GRHL2: variants seen among roughly 807,000 people sequenced by gnomAD.
GRHL2 encodes grainyhead-like protein 2 homolog.
A neutral mutation model predicts 83.8 loss-of-function variants in GRHL2; 21 were observed. That is an observed-to-expected ratio of 0.25 (90% CI 0.18 to 0.36). The LOEUF (loss-of-function observed/expected upper bound fraction) is 0.36, where lower values mean the gene tolerates loss of function less well. Among genes scored for constraint, GRHL2 ranks in the 10% least tolerant of loss-of-function variants. The pLI is 1.00. For synonymous variants in GRHL2, 280 were observed against 278.9 expected (o/e 1.00, Z -0.04); for missense variants, 623 against 781.8 (o/e 0.80, Z 2.42).
At chr8:101,551,910 A>T (rs896322771) in intron 2 of GRHL2, among the ~76,000 whole-genome samples, 1 of 149,700 alleles carries the variant, frequency 6.7e-6, no homozygotes, top group Non-Finnish European at 1.5e-5. Context: ...ATCTCGGCTC[A>T]CTGCAAGCTC....
intron 7 of GRHL2, among the ~76,000 whole-genome samples, chr8:101,585,971 G>C (rs1370706239): frequency 6.6e-6 from 1 of 151,884 alleles, no homozygotes; most frequent in African/African-American, 2.4e-5. Context: ...TCCAGGGAAG[G>C]GTCAGGATTC....
At chr8:101,557,691 C>T (rs1811516310) in intron 3 of GRHL2, among the ~76,000 whole-genome samples, 1 of 152,116 alleles carries the variant, frequency 6.6e-6, no homozygotes, top group South Asian at 2.1e-4. Flanking sequence ...AGAACTTCTT[C>T]CACCCTTCCT....
At chr8:101,677,010 A>G in the GRHL2 span, among the ~76,000 whole-genome samples, 8 of 151,972 alleles carry the variant, frequency 5.3e-5, no homozygotes, top group East Asian at 1.5e-3. Context: ...GAATTGAACA[A>G]TGAGAACACA....
chr8:101,632,470 T>G (rs1813205988), intron 11 of GRHL2, 105 bp downstream of exon 11: 1 of 1,332,198 alleles, frequency 7.5e-7, no homozygotes, highest in Non-Finnish European at 1.1e-6. Flanking sequence ...TAACTTACCT[T>G]CCATTCACTA....
chr8:101,629,170 TG>T lies in GRHL2; in HGVS notation c.1258-2466del, dbSNP rs564361726. 4.6e-5 allele frequency among the ~76,000 whole-genome samples: 7 copies of T among 152,278 alleles called. No homozygotes were observed. In the East Asian group the frequency reaches 9.6e-4, roughly 21 times the overall value. On this transcript the variant is annotated intron_variant, in intron 9 of 15. Coordinates refer to ENST00000646743, the MANE Select transcript of GRHL2 (RefSeq NM_024915.4). ...TAATTCATGCATCAAACTTCATTTTTGCCTTATTGTAAGAAATTGTTACAGC... is the reference window on the plus strand; with the variant it reads ...TAATTCATGCATCAAACTTCATTTTTCCTTATTGTAAGAAATTGTTACAGC...
chr8:101,511,116 T>C (rs1488450427), intron 1 of GRHL2, among the ~76,000 whole-genome samples: 1 of 152,142 alleles, frequency 6.6e-6, no homozygotes, highest in Non-Finnish European at 1.5e-5. Context: ...AAAAAAATTT[T>C]TTTTCACTTG....
chr8:101,602,680 C>T (rs936146180), intron 8 of GRHL2, among the ~76,000 whole-genome samples: 7 of 152,214 alleles, frequency 4.6e-5, no homozygotes, highest in Admixed American at 2.6e-4. Context: ...TTGCAAGGCT[C>T]TAATGAGGTA....
In GRHL2 at chr8:101,543,371, A is replaced by G; in HGVS notation, c.151A>G (p.Met51Val). 1 of 1,614,206 alleles carries G rather than the reference A, an allele frequency of 6.2e-7. No individual in the cohort carries two copies. Among genetic ancestry groups the G allele is most frequent in the Non-Finnish European group, 8.5e-7 (1 of 1,180,012 alleles). Residue 51 changes from methionine to valine, a missense_variant, in exon 2 of 16, where the codon ATG (methionine) becomes GTG (valine). Physicochemically the swap from Met to Val is conservative, Grantham distance 21. Around this residue, in one of 8 missense-constraint regions of GRHL2, gnomAD observed 11 missense variants for 46.1 expected, o/e 0.24. Transcript: ENST00000646743. ...TCCCCTGACAGCAGCCACCAAGGCC[A>G]TGATGAGCATTAATGGTGATGAGGA... is the stretch of plus-strand genomic sequence containing the variant. The part of the protein sequence containing the change: ...ENPLTAATKA[M>V]MSINGDEDSA...
intron 8 of GRHL2, among the ~76,000 whole-genome samples, chr8:101,615,047 G>A (rs1355405476): frequency 6.6e-6 from 1 of 152,192 alleles, no homozygotes; most frequent in Non-Finnish European, 1.5e-5. Context: ...TGGAATTAGA[G>A]AGCCCATTAG....
chr8:101,497,722 C>T lies in GRHL2; in HGVS notation c.20+4933C>T, dbSNP rs78718209. ...ATTATAATTGCCTTAAATAGGGCAA[C>T]ACTGCTTCAAATTAAACTTAATGTT... On this transcript the variant is annotated intron_variant, in intron 1 of 15. Transcript: ENST00000646743. Among the ~76,000 whole-genome samples the T allele has an allele frequency of 3.9e-3, 599 of 152,328 alleles. 17 individuals carry two copies. Among genetic ancestry groups the T allele is most frequent in the Admixed American group, 0.028 (424 of 15,294 alleles).
chr8:101,543,552 C>A (rs1811199225), intron 2 of GRHL2, 116 bp downstream of exon 2: 1 of 950,918 alleles, frequency 1.1e-6, no homozygotes, highest in Non-Finnish European at 1.7e-6. Flanking sequence ...TTTCCAAAGT[C>A]AATATAGAAT....
chr8:101,578,375 C>T (rs1811975644), intron 7 of GRHL2, among the ~76,000 whole-genome samples: 1 of 152,152 alleles, frequency 6.6e-6, no homozygotes, highest in Non-Finnish European at 1.5e-5. Flanking sequence ...AGGAGAAGAA[C>T]TGTCCTGGCT....
chr8:101,598,293 T>C (rs1355317458), intron 7 of GRHL2, among the ~76,000 whole-genome samples: 3 of 146,902 alleles, frequency 2.0e-5, no homozygotes, highest in Non-Finnish European at 4.4e-5. Flanking sequence ...CAGGCTGGAG[T>C]ACAGTGGCAT....
At chr8:101,612,838 A>G (rs1812780555) in intron 8 of GRHL2, among the ~76,000 whole-genome samples, 1 of 151,004 alleles carries the variant, frequency 6.6e-6, no homozygotes, top group South Asian at 2.1e-4. Context: ...TGAGGAAGGC[A>G]AGTACCCTCC....
At chr8:101,660,416 T>C (rs1308500991) in intron 14 of GRHL2, among the ~76,000 whole-genome samples, 3 of 152,222 alleles carry the variant, frequency 2.0e-5, no homozygotes, top group Non-Finnish European at 2.9e-5. Context: ...ACTCACCACA[T>C]TGTCTTCAGT....
chr8:101,541,147 G>GGT (rs56763374), intron 1 of GRHL2, among the ~76,000 whole-genome samples: 5,919 of 144,178 alleles, frequency 0.041, 188 homozygotes, highest in East Asian at 0.18. Context: ...ACTATTTCAT[G>GGT]GTGTGTGTGT....
intron 7 of GRHL2, among the ~76,000 whole-genome samples, chr8:101,591,821 A>G (rs1812289346): frequency 6.6e-6 from 1 of 152,154 alleles, no homozygotes; most frequent in South Asian, 2.1e-4. Context: ...GGCAGTTATT[A>G]TCCTAAGGGC....
intron 8 of GRHL2, among the ~76,000 whole-genome samples, chr8:101,611,469 G>A (rs978821441): frequency 6.6e-5 from 10 of 150,590 alleles, no homozygotes; most frequent in Admixed American, 2.6e-4. Flanking sequence ...GAAGTGCCCC[G>A]CTGCTTGGAC....
intron 7 of GRHL2, among the ~76,000 whole-genome samples, chr8:101,593,839 G>C (rs753553445): frequency 1.8e-4 from 27 of 151,938 alleles, no homozygotes; most frequent in Non-Finnish European, 4.0e-4. Flanking sequence ...ACCGAGGCAG[G>C]TGGATCACCT....
Sources: allele counts gnomAD v4.1 joint callset (sites outside exome capture counted in the v4.1 genomes callset), GRCh38; gene constraint gnomAD v4.1.1; regional missense constraint gnomAD v4.1.1; transcripts MANE v1.5; gene names NCBI Gene and HGNC (gene_info 2026-07-23, HGNC 2026-07-21).